The following GRHL2 variants were observed in gnomAD, a reference collection of about 807,000 sequenced individuals.
GRHL2 encodes grainyhead like transcription factor 2.
Under a neutral mutation model 83.8 loss-of-function variants are expected in GRHL2, and 21 were observed. The observed-to-expected ratio is 0.25, with a 90% CI of 0.18 to 0.36. The LOEUF (loss-of-function observed/expected upper bound fraction) is 0.36, where lower values mean the gene tolerates loss of function less well. GRHL2 is among the 10% of genes least tolerant of loss of function. The pLI, the probability that GRHL2 is intolerant of heterozygous loss-of-function variation, is 1.00. For missense variants in GRHL2, 623 were observed against 781.8 expected (o/e 0.80, Z 2.42); for synonymous variants, 280 against 278.9 (o/e 1.00, Z -0.04).
At chr8:101,547,556 A>G (rs1811291729) in intron 2 of GRHL2, among the ~76,000 whole-genome samples, 1 of 152,222 alleles carries the variant, frequency 6.6e-6, no homozygotes, top group Non-Finnish European at 1.5e-5. Context: ...CTTTTCACCT[A>G]CAGTTGATAA....
chr8:101,578,354 T>A (rs1811975190), intron 7 of GRHL2, among the ~76,000 whole-genome samples: 2 of 152,086 alleles, frequency 1.3e-5, no homozygotes. Context: ...ACATTCTCAG[T>A]GCCAAGAGGG....
intron 1 of GRHL2, among the ~76,000 whole-genome samples, chr8:101,509,088 C>T (rs1376972912): frequency 7.1e-6 from 1 of 141,396 alleles, no homozygotes; most frequent in Non-Finnish European, 1.5e-5. Flanking sequence ...TGTTTGTTTT[C>T]CTTTCTTTCT....
intron 7 of GRHL2, among the ~76,000 whole-genome samples, chr8:101,595,412 T>C (rs1812372516): frequency 6.6e-6 from 1 of 152,228 alleles, no homozygotes; most frequent in South Asian, 2.1e-4. Flanking sequence ...TCTTGGTTTG[T>C]CTTTATTTCT....
At chr8:101,650,837 A>C (rs986136416) in intron 14 of GRHL2, among the ~76,000 whole-genome samples, 2 of 137,000 alleles carry the variant, frequency 1.5e-5, no homozygotes, top group African/African-American at 2.7e-5. Flanking sequence ...TCTAGTATTC[A>C]TTGTTCACCA....
At chr8:101,645,347 G>T (rs1813491854) in intron 13 of GRHL2, among the ~76,000 whole-genome samples, 1 of 151,984 alleles carries the variant, frequency 6.6e-6, no homozygotes, top group Non-Finnish European at 1.5e-5. Flanking sequence ...TGGCCAGGAT[G>T]GTCTCGATCT....
chr8:101,659,857 C>T (rs992691481), intron 14 of GRHL2, among the ~76,000 whole-genome samples: 3 of 152,270 alleles, frequency 2.0e-5, no homozygotes, highest in Middle Eastern at 6.8e-3. Flanking sequence ...TTCAAGGAAA[C>T]TTTCTAGTGT....
chr8:101,554,909 A>G (rs914293568), intron 3 of GRHL2, among the ~76,000 whole-genome samples: 2 of 152,220 alleles, frequency 1.3e-5, no homozygotes, highest in African/African-American at 2.4e-5. Flanking sequence ...TATTAGCTTC[A>G]AAAGCTAAAA....
chr8:101,625,735 A>G (rs943606153), intron 9 of GRHL2, among the ~76,000 whole-genome samples: 5 of 152,176 alleles, frequency 3.3e-5, no homozygotes, highest in African/African-American at 7.2e-5. Flanking sequence ...GGCATTTCCA[A>G]TAGCTCCTAT....
chr8:101,503,198 G>A lies in GRHL2; in HGVS notation c.20+10409G>A, dbSNP rs367570657. 1.4e-4 allele frequency among the ~76,000 whole-genome samples: 22 copies of A among 152,290 alleles called. No individual in the cohort carries two copies. In the East Asian group the frequency reaches 4.1e-3, roughly 28 times the overall value. The stretch of plus-strand genomic sequence containing the variant: ...TTTGATTAGGTCACAGGACATTTAT[G>A]TTTCCTCTGCAAACTAGGATTTTTA... On this transcript the variant is annotated intron_variant, in intron 1 of 15. Transcript: ENST00000646743.
At chr8:101,623,121 TG>T (rs1460489130) in intron 9 of GRHL2, among the ~76,000 whole-genome samples, 3 of 152,196 alleles carry the variant, frequency 2.0e-5, no homozygotes, top group Non-Finnish European at 4.4e-5. Context: ...AAAGCAGAGA[TG>T]GTAAGGAAAA....
Position 101,565,366 on chromosome 8 carries a change from A to G in GRHL2, c.679-4973A>G, listed in dbSNP as rs79042194. Among the ~76,000 whole-genome samples, 640 of 152,350 alleles carry G rather than the reference A, an allele frequency of 4.2e-3. 5 individuals are homozygous for G. The highest frequency in any genetic ancestry group is 0.014 in the African/African-American group (601 of 41,594). ...AGGAAGAATTTGTTTATTCTGTACT[A>G]CAGTTTTCTATAAGTCAGTTAACAA... On this transcript the variant is annotated intron_variant, in intron 4 of 15. Coordinates refer to ENST00000646743, the MANE Select transcript of GRHL2 (RefSeq NM_024915.4).
chr8:101,579,167 G>C (rs551540033), intron 7 of GRHL2, among the ~76,000 whole-genome samples: 1 of 152,312 alleles, frequency 6.6e-6, no homozygotes, highest in East Asian at 1.9e-4. Flanking sequence ...AATCTGCATA[G>C]AGCAGAGGAA....
chr8:101,596,528 G>C (rs970912401), intron 7 of GRHL2, among the ~76,000 whole-genome samples: 18 of 152,064 alleles, frequency 1.2e-4, no homozygotes, highest in African/African-American at 4.4e-4. Flanking sequence ...ACATCATCTG[G>C]CCAAGACAAG....
the GRHL2 span, among the ~76,000 whole-genome samples, chr8:101,678,352 C>A: frequency 4.6e-5 from 7 of 152,166 alleles, no homozygotes; most frequent in Admixed American, 2.6e-4. Flanking sequence ...GTCACTCCCA[C>A]CCGAATACTG....
intron 9 of GRHL2, among the ~76,000 whole-genome samples, chr8:101,622,675 C>G (rs947763201): frequency 1.3e-5 from 2 of 151,980 alleles, no homozygotes; most frequent in Admixed American, 6.6e-5. Context: ...CACTATTGCC[C>G]AACACTCTTT....
intron 3 of GRHL2, among the ~76,000 whole-genome samples, chr8:101,555,315 A>G (rs1275030189): frequency 6.6e-6 from 1 of 151,956 alleles, no homozygotes; most frequent in African/African-American, 2.4e-5. Context: ...TTATTTCTTC[A>G]CTCAAGGATC....
At chr8:101,572,594 A>C (rs1188312182) in intron 5 of GRHL2, among the ~76,000 whole-genome samples, 2 of 152,116 alleles carry the variant, frequency 1.3e-5, no homozygotes, top group East Asian at 3.9e-4. Context: ...AAAAATAAAC[A>C]CAATGGAGAG....
chr8:101,523,658 T>A (rs1029590601), intron 1 of GRHL2, among the ~76,000 whole-genome samples: 1 of 151,886 alleles, frequency 6.6e-6, no homozygotes, highest in African/African-American at 2.4e-5. Flanking sequence ...TAAATTATTA[T>A]TTGTAAAGAT....
chr8:101,652,499 T>TGTGTGTGTGTGGTGTGTGTGTG (rs1420544005), intron 14 of GRHL2, among the ~76,000 whole-genome samples: 1 of 38,786 alleles, frequency 2.6e-5, no homozygotes, highest in African/African-American at 3.4e-4. Context: ...ATGTGTGTGG[T>TGTGTGTGTGTGGTGTGTGTGTG]GTGTGTGTGT....
Sources: gnomAD v4.1 joint callset for allele counts (sites outside exome capture counted in the v4.1 genomes callset) on GRCh38, gnomAD v4.1.1 for gene constraint, MANE v1.5 for transcripts, NCBI Gene and HGNC (gene_info 2026-07-23, HGNC 2026-07-21) for gene names.